The following CD200R1L variants were observed in gnomAD, a reference collection of about 807,000 sequenced individuals.
CD200R1L encodes the protein cell surface glycoprotein CD200 receptor 2.
CD200R1L carries 14 observed loss-of-function variants against 24.8 expected under a neutral mutation model. The ratio of observed to expected loss-of-function variants is 0.56; its 90% CI spans 0.37 to 0.88. CD200R1L has a LOEUF of 0.88. Among genes scored for constraint, CD200R1L ranks in the 40% least tolerant of loss-of-function variants. CD200R1L has a pLI of 0.00. For missense variants in CD200R1L, 299 were observed against 297.8 expected, an observed-to-expected ratio of 1.00 and a Z score of -0.03; for synonymous variants, 111 against 109.2, an observed-to-expected ratio of 1.02 and a Z score of -0.11.
intron 7 of CD200R1L, among the ~76,000 whole-genome samples, chr3:112,817,210 A>G (rs1938416672): frequency 1.3e-5 from 2 of 151,952 alleles, no homozygotes; most frequent in South Asian, 4.1e-4. Flanking sequence ...AGCTTACATC[A>G]TATTATATAT....
chr3:112,818,515 G>A (rs553639946), intron 7 of CD200R1L, among the ~76,000 whole-genome samples: 10 of 152,208 alleles, frequency 6.6e-5, no homozygotes, highest in Non-Finnish European at 1.3e-4. Flanking sequence ...CAATACTACT[G>A]CTCCACTAAT....
At chr3:112,841,432 A>G (rs1939077669) in intron 2 of CD200R1L, 2 of 283,024 alleles carry the variant, frequency 7.1e-6, no homozygotes, top group Admixed American at 8.1e-5. Flanking sequence ...GAATGAACTA[A>G]TACATGGTTA....
chr3:112,838,473 AAAAC>A (rs1163940956), intron 2 of CD200R1L, among the ~76,000 whole-genome samples: 268 of 125,494 alleles, frequency 2.1e-3, no homozygotes, highest in Non-Finnish European at 3.0e-3. Context: ...ATTTGCAAAA[AAAAC>A]AAACAAACAA....
intron 3 of CD200R1L, among the ~76,000 whole-genome samples, chr3:112,831,348 T>C (rs1938794131): frequency 6.6e-6 from 1 of 152,202 alleles, no homozygotes; most frequent in African/African-American, 2.4e-5. Context: ...AGGCTTCAGA[T>C]TTAATACATT....
Position 112,827,638 on chromosome 3 carries a change from A to G in CD200R1L, c.96T>C (p.Cys32=), listed in dbSNP as rs754977795. The G allele has an allele frequency of 1.2e-5, 20 of 1,613,858 alleles. No homozygotes were observed. Among genetic ancestry groups the G allele is most frequent in the Non-Finnish European group, 1.7e-5 (20 of 1,179,876 alleles). Residue 32 remains cysteine, a synonymous_variant, in exon 5 of 8, where the codon TGT becomes TGC. Coordinates refer to ENST00000488794, the MANE Select transcript of CD200R1L (RefSeq NM_001199215.3). ...PVLMDINAVL[C]CPPIALRNLI... is the part of the protein sequence containing the mutation. Reference sequence around the variant, plus strand: ...AATTTCTTAATGCGATAGGAGGGCAACAAAGCACAGCATTTATATCCATCA... The same window carrying G: ...AATTTCTTAATGCGATAGGAGGGCAGCAAAGCACAGCATTTATATCCATCA...
intron 4 of CD200R1L, among the ~76,000 whole-genome samples, 193 bp downstream of exon 4, chr3:112,829,126 G>A (rs1938736182): frequency 6.6e-6 from 1 of 152,210 alleles, no homozygotes; most frequent in Non-Finnish European, 1.5e-5. Flanking sequence ...AAGGTTCAGA[G>A]GTAAGCAAGA....
intron 3 of CD200R1L, among the ~76,000 whole-genome samples, chr3:112,837,508 C>T (rs114040612): frequency 6.6e-6 from 1 of 152,284 alleles, no homozygotes; most frequent in African/African-American, 2.4e-5. Context: ...GCCTTTCTAC[C>T]CTGTACTTTA....
At chr3:112,836,845 GAAAGTTTT>G (rs1052248351) in intron 3 of CD200R1L, among the ~76,000 whole-genome samples, 4 of 152,164 alleles carry the variant, frequency 2.6e-5, no homozygotes, top group Non-Finnish European at 5.9e-5. Flanking sequence ...AATTAGCTTA[GAAAGTTTT>G]TTGTATACTA....
At chr3:112,830,715 A>T (rs545279463) in intron 3 of CD200R1L, among the ~76,000 whole-genome samples, 1 of 152,176 alleles carries the variant, frequency 6.6e-6, no homozygotes, top group East Asian at 1.9e-4. Flanking sequence ...AAATTTCTAC[A>T]TGCCAATTTC....
chr3:112,845,575 G>A, intron 2 of CD200R1L, 104 bp downstream of exon 2: 1 of 930,080 alleles, frequency 1.1e-6, no homozygotes, highest in Non-Finnish European at 1.7e-6. Flanking sequence ...CTGCTGCTAG[G>A]ACAAGTCAAG....
intron 3 of CD200R1L, among the ~76,000 whole-genome samples, chr3:112,836,816 C>A (rs1432840197): frequency 6.6e-6 from 1 of 152,156 alleles, no homozygotes; most frequent in African/African-American, 2.4e-5. Context: ...GGAATCTTTG[C>A]CTCTGCATTT....
At chr3:112,824,799 G>A (rs933481904) in intron 6 of CD200R1L, among the ~76,000 whole-genome samples, 1 of 152,192 alleles carries the variant, frequency 6.6e-6, no homozygotes, top group African/African-American at 2.4e-5. Flanking sequence ...GAGCACAGAG[G>A]AGGAATAGCT....
At chr3:112,823,901 TGGA>T (rs1938599640) in intron 6 of CD200R1L, among the ~76,000 whole-genome samples, 1 of 128,940 alleles carries the variant, frequency 7.8e-6, no homozygotes. Flanking sequence ...GGGTACAGGA[TGGA>T]GAATAGTGAA....
rs1938799141 is a variant in CD200R1L at position 112,831,551 on chromosome 3, A to G, written c.-17-2167T>C. On this transcript the variant is annotated intron_variant, in intron 3 of 7. Transcript: ENST00000488794. ...ATTTGAAAATAAAATCATTACAAGT[A>G]TAACTAGCTAAGGTAAAGTCATACT... 2.6e-5 allele frequency among the ~76,000 whole-genome samples: 4 copies of G among 152,358 alleles called. No individual in the cohort carries two copies. In the South Asian group the frequency reaches 8.3e-4, roughly 32 times the overall value.
chr3:112,820,430 T>A (rs1176548191), intron 6 of CD200R1L, among the ~76,000 whole-genome samples: 2 of 152,104 alleles, frequency 1.3e-5, no homozygotes, highest in East Asian at 3.9e-4. Flanking sequence ...ACATCATTCT[T>A]TTTTTATTTT....
At chr3:112,843,536 C>G (rs1939128211) in intron 2 of CD200R1L, among the ~76,000 whole-genome samples, 7 of 152,166 alleles carry the variant, frequency 4.6e-5, no homozygotes, top group Admixed American at 2.0e-4. Context: ...TGCCACTAGG[C>G]CAATCTTACC....
intron 2 of CD200R1L, among the ~76,000 whole-genome samples, chr3:112,844,167 G>C (rs1939143534): frequency 6.6e-6 from 1 of 152,178 alleles, no homozygotes; most frequent in Admixed American, 6.5e-5. Flanking sequence ...AGGAATTCTG[G>C]TCTTAAATGT....
chr3:112,819,998 A>G, intron 6 of CD200R1L, 103 bp from the exon 7 acceptor site: 3 of 1,046,348 alleles, frequency 2.9e-6, no homozygotes, highest in African/African-American at 1.6e-5. Context: ...TTAAGAGTTC[A>G]TGGACTGTCA....
chr3:112,837,889 C>T (rs1938988701), intron 3 of CD200R1L, 53 bp downstream of exon 3: 2 of 672,252 alleles, frequency 3.0e-6, no homozygotes, highest in African/African-American at 2.0e-5. Context: ...AATGTTTCTG[C>T]TGATGATCCA....
Sources: gnomAD v4.1 joint callset for allele counts (sites outside exome capture counted in the v4.1 genomes callset) on GRCh38, gnomAD v4.1.1 for gene constraint, MANE v1.5 for transcripts, NCBI Gene and HGNC (gene_info 2026-07-23, HGNC 2026-07-21) for gene names.